The following CZIB variants were observed in gnomAD, a reference collection of about 807,000 sequenced individuals.
CZIB encodes the protein CXXC motif containing zinc binding protein.
A neutral mutation model predicts 28.3 loss-of-function variants in CZIB; 26 were observed. The ratio of observed to expected loss-of-function variants is 0.92; its 90% CI spans 0.67 to 1.27. The LOEUF (loss-of-function observed/expected upper bound fraction) is 1.27, where lower values mean the gene tolerates loss of function less well. Ranked by LOEUF, CZIB falls within the 50% of genes most tolerant of loss-of-function variation. The pLI is 0.00. For missense variants in CZIB, 179 were observed against 197.3 expected, an observed-to-expected ratio of 0.91 and a Z score of 0.56; for synonymous variants, 78 against 71.1, an observed-to-expected ratio of 1.10 and a Z score of -0.49.
At chr1:53,216,939 T>C (rs1384497455) in intron 5 of CZIB, 80 bp from the exon 6 acceptor site, 2 of 1,247,610 alleles carry the variant, frequency 1.6e-6, no homozygotes, top group East Asian at 2.3e-5. Flanking sequence ...TCCTGCCAAA[T>C]GGGCACTTAC....
chr1:53,220,403 C>A, intron 1 of CZIB, 59 bp from the exon 2 acceptor site: 2 of 1,589,790 alleles, frequency 1.3e-6, no homozygotes, highest in Non-Finnish European at 1.7e-6. Context: ...CACGCCTGCC[C>A]GACCCTCCCG....
In CZIB at chr1:53,215,974, G is replaced by A; in HGVS notation, c.405+17C>T. On this transcript the variant is annotated intron_variant, in intron 7 of 7. Coordinates refer to ENST00000294360, the MANE Select transcript of CZIB (RefSeq NM_017887.3). ...CAGGTGCCCTACAGTACCTCCCAAA[G>A]CCCCCAAGTCTCATACCTTCTCCTG... The A allele has an allele frequency of 6.2e-7, 1 of 1,613,072 alleles. No homozygotes were observed. The highest frequency in any genetic ancestry group is 8.5e-7 in the Non-Finnish European group (1 of 1,179,230).
Position 53,214,507 on chromosome 1 carries a change from G to A in CZIB, c.*152C>T. The A allele has an allele frequency of 1.6e-6, 1 of 636,274 alleles. No homozygotes were observed. 39.4% of individuals were successfully genotyped at this position (636,274 alleles called of 1,614,324 possible). On this transcript the variant is annotated 3_prime_UTR_variant, in exon 8 of 8. Transcript: ENST00000294360. ...AACAGGGGCTTTATTGATGGGGCTT[G>A]GGAAGCTGTAATAAAGTCCAGCATG...
At chr1:53,218,549 TGAG>T (rs1645489537) in intron 3 of CZIB, 54 bp from the exon 4 acceptor site, 1 of 1,553,962 alleles carries the variant, frequency 6.4e-7, no homozygotes, top group South Asian at 1.1e-5. Context: ...TGTACAGTCC[TGAG>T]GAGATCGAGC....
chr1:53,217,926 A>T (rs1034389051), intron 5 of CZIB: 12 of 524,936 alleles, frequency 2.3e-5, no homozygotes, highest in Non-Finnish European at 4.1e-5. Flanking sequence ...CAAACTGAAC[A>T]GCTAGGTTGT....
rs1275443130 is a variant in CZIB, at chr1:53,220,572, C to G, written c.4G>C (p.Gly2Arg). The G allele has an allele frequency of 1.1e-5, 18 of 1,598,576 alleles. No individual in the cohort carries two copies. Among genetic ancestry groups the G allele is most frequent in the South Asian group, 2.2e-5 (2 of 90,944 alleles). MGKIALQLKATL... is the reference protein window; with the variant it reads MRKIALQLKATL... The stretch of plus-strand genomic sequence containing the variant: ...CGCGGCGGGCGGCCTCCCCTCACCC[C>G]CATGGTAGCCCTCTCCGCCCGGTGC... The change falls in exon 1 of 8, where the codon GGG (glycine) becomes CGG (arginine). Residue 2 changes from glycine to arginine, a missense_variant and splice_region_variant. Transcript: ENST00000294360.
chr1:53,216,779 C>T lies in CZIB; in HGVS notation c.339+3G>A, dbSNP rs1645476790. On this transcript the variant is annotated splice_donor_region_variant and intron_variant, in intron 6 of 7. Coordinates refer to ENST00000294360, the MANE Select transcript of CZIB (RefSeq NM_017887.3). ...AAGATTCCCCAGAAAGATACACACA[C>T]ACCTGCGGCTGGAAATCAACTGGTT... 2 of 1,613,724 alleles carry T rather than the reference C, an allele frequency of 1.2e-6. No individual in the cohort carries two copies. Among genetic ancestry groups the T allele is most frequent in the Non-Finnish European group, 1.7e-6 (2 of 1,179,730 alleles).
At chr1:53,219,201 G>A (rs1337941861) in intron 2 of CZIB, 5 of 437,206 alleles carry the variant, frequency 1.1e-5, no homozygotes, top group Non-Finnish European at 2.0e-5. Flanking sequence ...TGGTTTCAGC[G>A]GAGGTGAGGG....
At chr1:53,218,343 TCTA>T in intron 4 of CZIB, 68 bp downstream of exon 4, 1 of 1,592,060 alleles carries the variant, frequency 6.3e-7, no homozygotes, top group Non-Finnish European at 8.6e-7. Flanking sequence ...GTAACATGAG[TCTA>T]CTTTCAGCCT....
At chr1:53,216,375 G>A (rs934734137) in intron 6 of CZIB, among the ~76,000 whole-genome samples, 1 of 152,200 alleles carries the variant, frequency 6.6e-6, no homozygotes, top group South Asian at 2.1e-4. Flanking sequence ...ATAAAACGGG[G>A]ATGAAGTATT....
chr1:53,219,175 A>C, intron 2 of CZIB: 1 of 477,354 alleles, frequency 2.1e-6, no homozygotes, highest in Non-Finnish European at 3.7e-6. Context: ...GATTCAAGGC[A>C]CCTGTGGTGC....
chr1:53,218,036 T>C, intron 5 of CZIB, 136 bp downstream of exon 5: 1 of 924,870 alleles, frequency 1.1e-6, no homozygotes, highest in Non-Finnish European at 1.7e-6. Context: ...AATGACTGAG[T>C]CAAAGAAGAA....
At chr1:53,219,193 G>C in intron 2 of CZIB, 1 of 453,176 alleles carries the variant, frequency 2.2e-6, no homozygotes, top group East Asian at 4.7e-5. Context: ...TGCAGAAATG[G>C]TTTCAGCGGA....
intron 6 of CZIB, 136 bp downstream of exon 6, chr1:53,216,643 GCCA>G: frequency 1.3e-6 from 1 of 741,708 alleles, no homozygotes; most frequent in Non-Finnish European, 2.3e-6. Flanking sequence ...GCATACAGCA[GCCA>G]CTTAAGGGAC....
At position 53,220,629 on chromosome 1, in the gene CZIB, C is replaced by A; in HGVS notation, c.-54G>T. ...CGGCCCTTGCCGTTGCTTTCCGGCG[C>A]GTCGTAAAAGGCGGGTGCCGTCTGC... On this transcript the variant is annotated 5_prime_UTR_variant, in exon 1 of 8. Transcript: ENST00000294360. The A allele has an allele frequency of 6.3e-7, 1 of 1,587,858 alleles. No individual in the cohort carries two copies. Among genetic ancestry groups the A allele is most frequent in the Non-Finnish European group, 8.5e-7 (1 of 1,174,226 alleles).
chr1:53,219,584 AT>A (rs561384839), intron 2 of CZIB: 17 of 152,524 alleles, frequency 1.1e-4, no homozygotes, highest in African/African-American at 4.1e-4. Flanking sequence ...TTATCACTCT[AT>A]TGTTACTCTA....
intron 1 of CZIB, 56 bp from the exon 2 acceptor site, chr1:53,220,400 G>A: frequency 6.3e-7 from 1 of 1,592,486 alleles, no homozygotes; most frequent in South Asian, 1.1e-5. Flanking sequence ...CCCCACGCCT[G>A]CCCGACCCTC....
chr1:53,220,153 A>C (rs1217950592), intron 2 of CZIB, 108 bp downstream of exon 2: 1 of 971,932 alleles, frequency 1.0e-6, no homozygotes, highest in East Asian at 2.6e-5. Flanking sequence ...AACCCCGAAC[A>C]CTTAATGTGC....
intron 7 of CZIB, 42 bp downstream of exon 7, chr1:53,215,949 C>G (rs1219725584): frequency 6.3e-7 from 1 of 1,583,920 alleles, no homozygotes; most frequent in Non-Finnish European, 8.7e-7. Flanking sequence ...TAATTCCCAC[C>G]AGGTGCCCTA....
Sources: allele counts gnomAD v4.1 joint callset (sites outside exome capture counted in the v4.1 genomes callset), GRCh38; gene constraint gnomAD v4.1.1; transcripts MANE v1.5; gene names NCBI Gene and HGNC (gene_info 2026-07-23, HGNC 2026-07-21).